YPEL1: variants seen among roughly 807,000 people sequenced by gnomAD.
YPEL1 encodes the protein yippee like 1.
Under a neutral mutation model 17.3 loss-of-function variants are expected in YPEL1, and 7 were observed. That is an observed-to-expected ratio of 0.40 (90% confidence interval 0.23 to 0.76). YPEL1 has a LOEUF of 0.76. YPEL1 is among the 30% of genes least tolerant of loss of function. YPEL1 has a pLI of 0.35. For synonymous variants in YPEL1, 59 were observed against 59.6 expected (o/e 0.99, Z 0.05); for missense variants, 91 against 155.5 (o/e 0.59, Z 2.21).
intron 1 of YPEL1, among the ~76,000 whole-genome samples, chr22:21,721,621 G>A (rs1352462665): frequency 6.6e-6 from 1 of 151,960 alleles, no homozygotes; most frequent in South Asian, 2.1e-4. Context: ...AAGAGGTTTC[G>A]CCATGTTGGC....
intron 2 of YPEL1, among the ~76,000 whole-genome samples, chr22:21,707,969 C>G (rs1345159475): frequency 6.6e-6 from 1 of 152,202 alleles, no homozygotes; most frequent in Non-Finnish European, 1.5e-5. Context: ...TAAATGGAGC[C>G]TTCTAGTAAC....
intron 2 of YPEL1, among the ~76,000 whole-genome samples, chr22:21,705,372 C>T (rs1385477886): frequency 2.0e-5 from 3 of 152,146 alleles, no homozygotes; most frequent in Admixed American, 6.5e-5. Flanking sequence ...CAAAGGAAAC[C>T]GCATATGTCA....
At chr22:21,732,760 G>A (rs1569067967) in intron 1 of YPEL1, among the ~76,000 whole-genome samples, 1 of 151,702 alleles carries the variant, frequency 6.6e-6, no homozygotes. Flanking sequence ...CCAGCCTGGC[G>A]ACAGAGTGGG....
In YPEL1 at chr22:21,703,717, G is replaced by GGGT; in HGVS notation, c.161+121_161+122insACC. 8.8e-7 allele frequency: 1 copy of GGGT among 1,136,306 alleles called. No individual in the cohort carries two copies. The highest frequency in any genetic ancestry group is 1.2e-6 in the Non-Finnish European group (1 of 800,352). The allele number at this position is 1,136,306 out of a possible 1,614,324, so 70.4% of individuals were successfully genotyped here. On this transcript the variant is annotated intron_variant, in intron 3 of 4. Transcript: ENST00000339468. This position sits in a 1 kb window ranked among gnomAD's most constrained non-coding sequence, Gnocchi z 6.1. ...GCGTTTCAGAAACTCCCGGCGGGGG[G>GGGT]ATGGTGGGTTCTTTCAGGACCCCTA...
intron 1 of YPEL1, among the ~76,000 whole-genome samples, chr22:21,727,959 G>A (rs2068351378): frequency 6.6e-6 from 1 of 152,216 alleles, no homozygotes; most frequent in Non-Finnish European, 1.5e-5. Flanking sequence ...GTGCGTCAGG[G>A]TCAGAGGCTG....
At position 21,701,102 on chromosome 22, in the gene YPEL1, T is replaced by C. The variant is rs1308597909; in HGVS notation, c.*27A>G. 13 of 1,592,452 alleles carry C rather than the reference T, an allele frequency of 8.2e-6. No individual in the cohort carries two copies. Among genetic ancestry groups the C allele is most frequent in the Non-Finnish European group, 1.1e-5 (13 of 1,160,904 alleles). ...TCACAGTTTCTTTCACAAAACAGCA[T>C]TCAAAGGAGAAGGGAAAGTTCGCAC... On this transcript the variant is annotated 3_prime_UTR_variant, in exon 5 of 5. Transcript: ENST00000339468.
At chr22:21,717,787 A>G (rs2148607647) in intron 1 of YPEL1, among the ~76,000 whole-genome samples, 1 of 152,336 alleles carries the variant, frequency 6.6e-6, no homozygotes, top group Non-Finnish European at 1.5e-5. Context: ...CTGAAAGATA[A>G]TAACTGATAT....
Position 21,710,814 on chromosome 22 carries a change from A to G in YPEL1, c.-70T>C, listed in dbSNP as rs529551389. ...AACCGTGGCTCTGCTGGCCTCTCTGACAAAAGCAACACTGGAAAATGCACG... is the reference window on the plus strand; with the variant it reads ...AACCGTGGCTCTGCTGGCCTCTCTGGCAAAAGCAACACTGGAAAATGCACG... On this transcript the variant is annotated 5_prime_UTR_variant, in exon 2 of 5. Coordinates refer to ENST00000339468, the MANE Select transcript of YPEL1 (RefSeq NM_013313.5). 6.6e-6 allele frequency: 9 copies of G among 1,355,286 alleles called. No homozygotes were observed. The South Asian group carries it at 1.1e-4, about 16-fold the overall frequency. 84.0% of individuals were successfully genotyped at this position (1,355,286 alleles called of 1,614,324 possible).
chr22:21,703,853 G>A lies in YPEL1; in HGVS notation c.147C>T (p.Tyr49=). The A allele has an allele frequency of 4.4e-6, 7 of 1,608,544 alleles. No homozygotes were observed. Among genetic ancestry groups the A allele is most frequent in the Non-Finnish European group, 5.1e-6 (6 of 1,177,432 alleles). ...KSFQGSQGRA[Y]LFNSVVNVGC... Reference sequence around the variant, plus strand: ...AGGGTACTCACACGGAATTGAAGAGGTAGGCGCGTCCCTGGCTCCCCTGAA... The same window carrying A: ...AGGGTACTCACACGGAATTGAAGAGATAGGCGCGTCCCTGGCTCCCCTGAA... Residue 49 remains tyrosine (Y), a synonymous_variant, in exon 3 of 5, where the codon TAC becomes TAT. Transcript: ENST00000339468. The surrounding 1 kb of genome is among the most constrained non-coding windows in gnomAD (Gnocchi z 6.1).
At chr22:21,704,069 T>G in intron 2 of YPEL1, 187 bp from the exon 3 acceptor site, 1 of 731,486 alleles carries the variant, frequency 1.4e-6, no homozygotes, top group Non-Finnish European at 2.5e-6. Flanking sequence ...AGCTGCAAGC[T>G]GTTTTTCATT....
intron 1 of YPEL1, among the ~76,000 whole-genome samples, chr22:21,718,128 CAAA>C (rs55677107): frequency 1.5e-4 from 19 of 130,482 alleles, no homozygotes; most frequent in Non-Finnish European, 1.8e-4. Flanking sequence ...GACTCTGTCT[CAAA>C]AAAAAAAAAA....
Position 21,699,887 on chromosome 22 carries a change from C to T in YPEL1, c.*1242G>A, listed in dbSNP as rs1404432120. 2 of 152,520 alleles carry T rather than the reference C, an allele frequency of 1.3e-5. No individual in the cohort carries two copies. Among genetic ancestry groups the T allele is most frequent in the Non-Finnish European group, 2.9e-5 (2 of 68,042 alleles). 9.4% of individuals were successfully genotyped at this position (152,520 alleles called of 1,614,324 possible). On this transcript the variant is annotated 3_prime_UTR_variant, in exon 5 of 5. Transcript: ENST00000339468. ...TGAGGGCACAACCCCTGGTACCAGA[C>T]CCTGTGAGGCTGTCACCTCAGTAAG...
At chr22:21,711,740 G>A (rs982813517) in intron 1 of YPEL1, among the ~76,000 whole-genome samples, 2 of 152,184 alleles carry the variant, frequency 1.3e-5, no homozygotes, top group East Asian at 1.9e-4. Flanking sequence ...AGACCTAAAT[G>A]TGAGAGCTAA....
rs1292044683 is a variant in YPEL1 at position 21,720,177 on chromosome 22, C to CAAA, written c.-164-9272_-164-9270dup. Among the ~76,000 whole-genome samples, 285 of 81,284 alleles carry CAAA rather than the reference C, an allele frequency of 3.5e-3. 3 individuals are homozygous for CAAA. The highest frequency in any genetic ancestry group is 4.4e-3 in the Admixed American group (32 of 7,200). 53.3% of individuals were successfully genotyped at this position (81,284 alleles called of 152,430 possible). A position where few individuals can be genotyped will look rare whatever the true frequency, so the allele number is the denominator to read the frequency against. On this transcript the variant is annotated intron_variant, in intron 1 of 4. Coordinates refer to ENST00000339468, the MANE Select transcript of YPEL1 (RefSeq NM_013313.5). ...TGGGTGACAGAGCGAGACTCTGTAT[C>CAAA]AAAAAAAAAAAAAAAAAAAAAGCAG...
rs1463265222 is a variant in YPEL1, at chr22:21,698,986, C to A, written c.*2143G>T. ...AGATGTGCTTTAAAGGAACTTCTGCCTCTGTCACTCCTGCTGAGTGGATGC... is the reference window on the plus strand; with the variant it reads ...AGATGTGCTTTAAAGGAACTTCTGCATCTGTCACTCCTGCTGAGTGGATGC... On this transcript the variant is annotated 3_prime_UTR_variant, in exon 5 of 5. Transcript: ENST00000339468. 1 of 152,440 alleles carries A rather than the reference C, an allele frequency of 6.6e-6. No individual in the cohort carries two copies. The highest frequency in any genetic ancestry group is 1.5e-5 in the Non-Finnish European group (1 of 68,068). 9.4% of individuals were successfully genotyped at this position (152,440 alleles called of 1,614,324 possible). A position where few individuals can be genotyped will look rare whatever the true frequency, so the allele number is the denominator to read the frequency against.
At chr22:21,726,030 A>G (rs2068332344) in intron 1 of YPEL1, among the ~76,000 whole-genome samples, 1 of 152,146 alleles carries the variant, frequency 6.6e-6, no homozygotes, top group Non-Finnish European at 1.5e-5. Context: ...GATATGAGAA[A>G]TGGCCACTAA....
rs961210260 is a variant in YPEL1 at position 21,702,539 on chromosome 22, C to T, written c.270+831G>A. On this transcript the variant is annotated intron_variant, in intron 4 of 4. Coordinates refer to ENST00000339468, the MANE Select transcript of YPEL1 (RefSeq NM_013313.5). Reference sequence around the variant, plus strand: ...CAGGCAGGCCGGGCGCGGTGGCTCACGCCTGTAATCCCAGCACTTTGGGAG... The same window carrying T: ...CAGGCAGGCCGGGCGCGGTGGCTCATGCCTGTAATCCCAGCACTTTGGGAG... 5.3e-5 allele frequency among the ~76,000 whole-genome samples: 8 copies of T among 152,052 alleles called. 1 individual carries two copies. Among genetic ancestry groups the T allele is most frequent in the East Asian group, 3.9e-4 (2 of 5,168 alleles).
At chr22:21,701,330 G>T (rs1369191765) in intron 4 of YPEL1, 112 bp from the exon 5 acceptor site, 2 of 772,678 alleles carry the variant, frequency 2.6e-6, no homozygotes, top group Non-Finnish European at 4.3e-6. Flanking sequence ...ATACCCAGAT[G>T]TTCCCTGAGC....
chr22:21,719,126 C>T (rs1048845129), intron 1 of YPEL1, among the ~76,000 whole-genome samples: 48 of 152,156 alleles, frequency 3.2e-4, no homozygotes, highest in African/African-American at 1.0e-3. Flanking sequence ...GCTGACATGC[C>T]CTGGGGAGGT....
Sources: gnomAD v4.1 joint callset for allele counts (sites outside exome capture counted in the v4.1 genomes callset) on GRCh38, gnomAD v4.1.1 for gene constraint, Gnocchi (gnomAD v3.1) non-coding constraint, MANE v1.5 for transcripts, NCBI Gene and HGNC (gene_info 2026-07-23, HGNC 2026-07-21) for gene names.